Variants in MYT1L observed in about 807,000 individuals in gnomAD.
MYT1L encodes myelin transcription factor 1-like protein.
Under a neutral mutation model 126.7 loss-of-function variants are expected in MYT1L, and 12 were observed. The observed-to-expected ratio is 0.09, with a 90% CI of 0.06 to 0.15. The LOEUF is 0.15. MYT1L is among the 10% of genes least tolerant of loss of function. The pLI, the probability that MYT1L is intolerant of heterozygous loss-of-function variation, is 1.00. For synonymous variants in MYT1L, 541 were observed against 604.2 expected (o/e 0.90, Z 1.53); for missense variants, 979 against 1,585.2 (o/e 0.62, Z 6.49).
At chr2:1,824,736 AGGAGAGAGAGGG>A (rs2039061764) in intron 21 of MYT1L, 16 of 151,594 alleles carry the variant, frequency 1.1e-4, no homozygotes, top group Admixed American at 8.5e-4. Context: ...AGTCATCCAG[AGGAGAGAGAGGG>A]GGAGGACTCC....
At chr2:1,958,653 G>C (rs550627450) in intron 8 of MYT1L, among the ~76,000 whole-genome samples, 1 of 152,188 alleles carries the variant, frequency 6.6e-6, no homozygotes, top group Non-Finnish European at 1.5e-5. Context: ...TTCTACACTC[G>C]TGATCCCGGT....
intron 2 of MYT1L, among the ~76,000 whole-genome samples, chr2:2,278,133 G>A (rs140027151): frequency 2.6e-5 from 4 of 152,334 alleles, no homozygotes; most frequent in African/African-American, 9.6e-5. Context: ...ATGAGTTAAT[G>A]GTAGTGGCCA....
At chr2:2,142,982 C>T (rs369946133) in intron 3 of MYT1L, among the ~76,000 whole-genome samples, 17 of 150,870 alleles carry the variant, frequency 1.1e-4, no homozygotes, top group African/African-American at 3.7e-4. Context: ...CCACCATGCC[C>T]GGCCATAACT....
intron 8 of MYT1L, among the ~76,000 whole-genome samples, chr2:1,961,539 C>T (rs1312250238): frequency 3.3e-5 from 5 of 152,218 alleles, no homozygotes; most frequent in East Asian, 1.9e-4. Flanking sequence ...GCATAAGACG[C>T]GTGTGCTGGG....
chr2:1,997,168 G>A (rs1382667884), intron 5 of MYT1L, 23 bp downstream of exon 5: 1 of 152,684 alleles, frequency 6.5e-6, no homozygotes, highest in African/African-American at 2.4e-5. Flanking sequence ...GCACAGAACC[G>A]AGTGTAGACG....
chr2:2,273,910 A>G (rs2095312263), intron 2 of MYT1L, among the ~76,000 whole-genome samples: 1 of 152,200 alleles, frequency 6.6e-6, no homozygotes, highest in Non-Finnish European at 1.5e-5. Flanking sequence ...ATTTTTAAAT[A>G]TTTTGTCTCC....
chr2:2,214,168 C>G (rs968563700), intron 2 of MYT1L, among the ~76,000 whole-genome samples: 13 of 151,410 alleles, frequency 8.6e-5, no homozygotes, highest in Admixed American at 6.6e-4. Flanking sequence ...TATAAATGAA[C>G]AAAATATCAG....
At chr2:2,325,802 A>G (rs763280470) in intron 1 of MYT1L, 3 of 152,276 alleles carry the variant, frequency 2.0e-5, no homozygotes, top group Admixed American at 1.3e-4. Flanking sequence ...ATGGCATTAC[A>G]CTGAAGGAGA....
intron 2 of MYT1L, among the ~76,000 whole-genome samples, chr2:2,183,024 C>T (rs1357852909): frequency 6.6e-6 from 1 of 152,150 alleles, no homozygotes; most frequent in Non-Finnish European, 1.5e-5. Flanking sequence ...CGAGGAGCAG[C>T]AGCTGAGCTT....
At chr2:1,934,727 TACACACACAC>T (rs56320658) in intron 9 of MYT1L, among the ~76,000 whole-genome samples, 112 of 138,390 alleles carry the variant, frequency 8.1e-4, no homozygotes, top group Non-Finnish European at 9.7e-4. Context: ...CTCTGTCATG[TACACACACAC>T]ACACACACAC....
In MYT1L at chr2:2,023,087, C is replaced by T. The variant is rs2065193220; in HGVS notation, c.-157-25740G>A. Among the ~76,000 whole-genome samples, 4 of 152,282 alleles carry T rather than the reference C, an allele frequency of 2.6e-5. 1 individual carries two copies. The South Asian group carries it at 6.2e-4, about 24-fold the overall frequency. On this transcript the variant is annotated intron_variant, in intron 4 of 24. Coordinates refer to ENST00000647738, the MANE Select transcript of MYT1L (RefSeq NM_001303052.2). Reference sequence around the variant, plus strand: ...GCTGCCCACATCTTTGTCAATGAAACAGAGTAGATGTGAGTCAGGCTATTT... The same window carrying T: ...GCTGCCCACATCTTTGTCAATGAAATAGAGTAGATGTGAGTCAGGCTATTT...
At chr2:2,251,070 C>A (rs556487825) in intron 2 of MYT1L, among the ~76,000 whole-genome samples, 172 of 152,150 alleles carry the variant, frequency 1.1e-3, no homozygotes, top group African/African-American at 4.0e-3. Context: ...GGTGAAGTAT[C>A]AAATCTTATT....
chr2:2,192,000 AAAGT>A (rs1339980213), intron 2 of MYT1L, among the ~76,000 whole-genome samples: 2 of 152,246 alleles, frequency 1.3e-5, no homozygotes, highest in Non-Finnish European at 2.9e-5. Flanking sequence ...TGTCTGGAGG[AAAGT>A]AAGAGCCAAT....
At chr2:2,157,381 T>A (rs958507227) in intron 3 of MYT1L, among the ~76,000 whole-genome samples, 2 of 152,246 alleles carry the variant, frequency 1.3e-5, no homozygotes, top group Non-Finnish European at 2.9e-5. Flanking sequence ...GTCCATGGAC[T>A]AGACTTTTGT....
At position 2,238,293 on chromosome 2, in the gene MYT1L, C is replaced by T. The variant is rs145232297; in HGVS notation, c.-421+46111G>A. ...TCTCTGCGCAAGGTACCCTGCTGTCCGGGCCTCAACTCTTTAATCTAGAAA... is the reference window on the plus strand; with the variant it reads ...TCTCTGCGCAAGGTACCCTGCTGTCTGGGCCTCAACTCTTTAATCTAGAAA... On this transcript the variant is annotated intron_variant, in intron 2 of 24. Coordinates refer to ENST00000647738, the MANE Select transcript of MYT1L (RefSeq NM_001303052.2). 1.0e-3 allele frequency among the ~76,000 whole-genome samples: 152 copies of T among 152,114 alleles called. No individual in the cohort carries two copies. In the Middle Eastern group the frequency reaches 0.017, roughly 17 times the overall value.
chr2:2,173,765 T>C (rs189094715), intron 2 of MYT1L, among the ~76,000 whole-genome samples: 110 of 152,334 alleles, frequency 7.2e-4, no homozygotes, highest in Admixed American at 2.0e-3. Context: ...AGTGCGTCTA[T>C]GGCAATAACA....
intron 2 of MYT1L, among the ~76,000 whole-genome samples, chr2:2,178,093 A>G (rs115772832): frequency 0.1 from 15,399 of 152,210 alleles, 756 homozygotes; most frequent in East Asian, 0.13. Context: ...TTATATAAAC[A>G]GACTGTAATA....
chr2:2,191,229 G>C (rs951934050), intron 2 of MYT1L, among the ~76,000 whole-genome samples: 2 of 152,194 alleles, frequency 1.3e-5, no homozygotes, highest in African/African-American at 4.8e-5. Context: ...GGATGGGAAT[G>C]GTTGAGTCTG....
intron 1 of MYT1L, among the ~76,000 whole-genome samples, chr2:2,307,073 T>C (rs918345718): frequency 5.3e-5 from 8 of 152,156 alleles, no homozygotes; most frequent in African/African-American, 1.9e-4. Context: ...GAAGTAACAG[T>C]GTGAGTCATC....
Sources: allele counts gnomAD v4.1 joint callset (sites outside exome capture counted in the v4.1 genomes callset), GRCh38; gene constraint gnomAD v4.1.1; transcripts MANE v1.5; gene names NCBI Gene and HGNC (gene_info 2026-07-23, HGNC 2026-07-21).